Variants in PTPN18 observed in about 807,000 individuals in gnomAD.
The protein encoded by PTPN18 is protein tyrosine phosphatase non-receptor type 18, also known as tyrosine-protein phosphatase non-receptor type 18.
PTPN18 carries 65 observed loss-of-function variants against 65.4 expected under a neutral mutation model. The ratio of observed to expected loss-of-function variants is 0.99; its 90% CI spans 0.81 to 1.22. PTPN18 has a LOEUF of 1.22. Among genes scored for constraint, PTPN18 ranks in the 50% most tolerant of loss-of-function variants. The pLI is 0.00. For missense variants in PTPN18, 616 were observed against 646.5 expected (o/e 0.95, Z 0.51); for synonymous variants, 255 against 267.8 (o/e 0.95, Z 0.47).
rs912702949 is a variant in PTPN18, at chr2:130,356,083, C to G, written c.-25C>G. The G allele has an allele frequency of 1.1e-5, 14 of 1,269,448 alleles. No individual in the cohort carries two copies. The highest frequency in any genetic ancestry group is 1.2e-5 in the Non-Finnish European group (12 of 1,008,264). The allele number at this position is 1,269,448 out of a possible 1,614,324, so 78.6% of individuals were successfully genotyped here. On this transcript the variant is annotated 5_prime_UTR_variant, in exon 1 of 15. Transcript: ENST00000175756. Reference sequence around the variant, plus strand: ...ACTCGCCGCGCGCGCGGCGGCCGGGCTGGACCTTGCTGGCCCGCGGCGCCA... The same window carrying G: ...ACTCGCCGCGCGCGCGGCGGCCGGGGTGGACCTTGCTGGCCCGCGGCGCCA...
At chr2:130,364,981 G>C (rs1479497421) in intron 5 of PTPN18, among the ~76,000 whole-genome samples, 3 of 152,214 alleles carry the variant, frequency 2.0e-5, no homozygotes. Flanking sequence ...GAGAGAGAGG[G>C]AGGGAGGGAC....
chr2:130,365,124 A>T (rs923805447), intron 5 of PTPN18, among the ~76,000 whole-genome samples: 2 of 152,222 alleles, frequency 1.3e-5, no homozygotes, highest in African/African-American at 4.8e-5. Flanking sequence ...TCATATGGAA[A>T]ACCAAATGTC....
chr2:130,361,512 CTCTTTCTTTCTTTCTTTCTTTCTT>C (rs70994707), intron 5 of PTPN18, among the ~76,000 whole-genome samples: 39 of 122,936 alleles, frequency 3.2e-4, no homozygotes, highest in South Asian at 5.6e-4. Flanking sequence ...TCTTTTCTTT[CTCTTTCTTTCTTTCTTTCTTTCTT>C]TCTTTCTTTC....
rs766772512 is a variant in PTPN18, at chr2:130,371,220, G to A, written c.946G>A (p.Asp316Asn). 18 of 1,610,246 alleles carry A rather than the reference G, an allele frequency of 1.1e-5. No homozygotes were observed. The highest frequency in any genetic ancestry group is 1.4e-5 in the Non-Finnish European group (16 of 1,178,304). ...TCAGAATTGTGCCCCACTCTACGAC[G>A]ATGCCCTCTTCCTCCGGACTCCCCA... ...IKENCAPLYD[D>N]ALFLRTPQAL... Residue 316 changes from aspartate to asparagine, a missense_variant, in exon 12 of 15, where the codon GAT becomes AAT. By Grantham distance (23) the Asp-to-Asn change is conservative (BLOSUM62 1). Coordinates refer to ENST00000175756, the MANE Select transcript of PTPN18 (RefSeq NM_014369.4).
chr2:130,356,709 G>T (rs1679983045), intron 1 of PTPN18: 2 of 443,906 alleles, frequency 4.5e-6, no homozygotes, highest in South Asian at 3.3e-5. Context: ...TTCCCGTCCC[G>T]AATCCGCGTC....
At chr2:130,364,117 CAATTG>C (rs1488004747) in intron 5 of PTPN18, among the ~76,000 whole-genome samples, 1 of 152,106 alleles carries the variant, frequency 6.6e-6, no homozygotes, top group Non-Finnish European at 1.5e-5. Flanking sequence ...GTGTACAATT[CAATTG>C]AATTAAGTAC....
In PTPN18 at chr2:130,359,393, C is replaced by G; in HGVS notation, c.280-4C>G. The G allele has an allele frequency of 6.2e-7, 1 of 1,614,180 alleles. No individual in the cohort carries two copies. The highest frequency in any genetic ancestry group is 8.5e-7 in the Non-Finnish European group (1 of 1,180,026). On this transcript the variant is annotated splice_region_variant and splice_polypyrimidine_tract_variant and intron_variant, in intron 3 of 14. Coordinates refer to ENST00000175756, the MANE Select transcript of PTPN18 (RefSeq NM_014369.4). ...ATCTCAGTCGTGAATTCGGCCTTCACCAGGGCGTGGATGGAAGCCTGGCCT... is the reference window on the plus strand; with the variant it reads ...ATCTCAGTCGTGAATTCGGCCTTCAGCAGGGCGTGGATGGAAGCCTGGCCT...
chr2:130,359,151 T>A, intron 2 of PTPN18, 82 bp from the exon 3 acceptor site: 5 of 1,549,626 alleles, frequency 3.2e-6, no homozygotes, highest in Non-Finnish European at 3.6e-6. Context: ...GGTCCCCTGC[T>A]GGCTTTCAGC....
At chr2:130,361,449 A>G (rs1038448845) in intron 5 of PTPN18, among the ~76,000 whole-genome samples, 12 of 151,888 alleles carry the variant, frequency 7.9e-5, no homozygotes, top group African/African-American at 2.4e-4. Context: ...TTTATTTGTT[A>G]ATATTTTTTT....
rs1359154655 is a variant in PTPN18 at position 130,370,561 on chromosome 2, G to T, written c.694G>T (p.Gly232Cys). The change falls in exon 9 of 15, where the codon GGT (glycine) becomes TGT (cysteine). Residue 232 changes from glycine (G) to cysteine (C), a missense_variant. By Grantham distance (159) the Gly-to-Cys change is radical. Transcript: ENST00000175756. The part of the protein sequence containing the change: ...PEPLCVHCSA[G>C]CGRTGVLCTV... ...ACACTCTGATTCTCTTGTCAGTGCG[G>T]GTTGTGGGCGAACAGGCGTCCTGTG... 2 of 1,614,134 alleles carry T rather than the reference G, an allele frequency of 1.2e-6. No homozygotes were observed. The highest frequency in any genetic ancestry group is 2.2e-5 in the South Asian group (2 of 91,080).
intron 5 of PTPN18, among the ~76,000 whole-genome samples, chr2:130,361,553 T>TCTTTCTTTC (rs1680208103): frequency 7.2e-6 from 1 of 137,964 alleles, no homozygotes; most frequent in African/African-American, 2.8e-5. Flanking sequence ...TTTCTTTCTT[T>TCTTTCTTTC]CTTTCTTTCT....
chr2:130,359,735 G>A (rs1234983794), intron 5 of PTPN18, 89 bp downstream of exon 5: 4 of 1,479,136 alleles, frequency 2.7e-6, no homozygotes, highest in African/African-American at 1.4e-5. Flanking sequence ...AGGACCCGAG[G>A]GTCCAGCTCT....
intron 1 of PTPN18, among the ~76,000 whole-genome samples, chr2:130,358,142 T>G (rs1284668957): frequency 6.6e-6 from 1 of 152,186 alleles, no homozygotes; most frequent in African/African-American, 2.4e-5. Context: ...TGTGCAGGAA[T>G]CACTGCGCTC....
chr2:130,364,809 C>T (rs986671921), intron 5 of PTPN18, among the ~76,000 whole-genome samples: 1 of 152,162 alleles, frequency 6.6e-6, no homozygotes, highest in Non-Finnish European at 1.5e-5. Flanking sequence ...ACAACAACAA[C>T]AACAACAACA....
intron 1 of PTPN18, among the ~76,000 whole-genome samples, chr2:130,357,445 C>T (rs1014413244): frequency 6.6e-6 from 1 of 152,086 alleles, no homozygotes; most frequent in Admixed American, 6.6e-5. Flanking sequence ...TTATAAATGA[C>T]CGTTTATACA....
chr2:130,359,576 C>G, intron 4 of PTPN18, 32 bp from the exon 5 acceptor site: 4 of 1,613,790 alleles, frequency 2.5e-6, no homozygotes, highest in Non-Finnish European at 3.4e-6. Flanking sequence ...TCACCCAAAT[C>G]ACCTTCCTCT....
At chr2:130,372,226 T>A (rs1371406658) in intron 12 of PTPN18, 31 bp from the exon 13 acceptor site, 2 of 1,555,078 alleles carry the variant, frequency 1.3e-6, no homozygotes, top group Non-Finnish European at 1.7e-6. Flanking sequence ...GCGCCGCCGT[T>A]TCACTTCCTC....
intron 13 of PTPN18, 171 bp downstream of exon 13, chr2:130,372,654 C>A: frequency 1.9e-6 from 2 of 1,045,066 alleles, no homozygotes; most frequent in South Asian, 1.7e-5. Flanking sequence ...GGAAGCGCCC[C>A]CTGGCGGTCG....
intron 5 of PTPN18, among the ~76,000 whole-genome samples, chr2:130,363,196 C>T (rs1450079637): frequency 6.6e-6 from 1 of 151,698 alleles, no homozygotes; most frequent in Non-Finnish European, 1.5e-5. Context: ...TGCCTGTAAT[C>T]CCAGCACTTT....
Sources: allele counts gnomAD v4.1 joint callset (sites outside exome capture counted in the v4.1 genomes callset), GRCh38; gene constraint gnomAD v4.1.1; transcripts MANE v1.5; gene names NCBI Gene and HGNC (gene_info 2026-07-23, HGNC 2026-07-21).